XCR1: variants seen among roughly 807,000 people sequenced by gnomAD.
The protein encoded by XCR1 is chemokine XC receptor 1.
For synonymous variants in XCR1, 187 were observed against 188.5 expected, an observed-to-expected ratio of 0.99 and a Z score of 0.06; for missense variants, 356 against 424.2, an observed-to-expected ratio of 0.84 and a Z score of 1.41.
chr3:46,070,562 GTT>G (rs1256095204), intron 3 of XCR1, among the ~76,000 whole-genome samples: 2 of 151,628 alleles, frequency 1.3e-5, no homozygotes, highest in Non-Finnish European at 2.9e-5. Flanking sequence ...TTTAAGGTGT[GTT>G]TTATCTGATA....
chr3:46,045,431 T>C (rs1205292560), intron 5 of XCR1, among the ~76,000 whole-genome samples: 2 of 151,842 alleles, frequency 1.3e-5, no homozygotes, highest in African/African-American at 2.4e-5. Context: ...CCAACTGGGA[T>C]ACATTCCAGA....
At chr3:46,083,890 A>G (rs1004653768) in intron 1 of XCR1, among the ~76,000 whole-genome samples, 18 of 152,350 alleles carry the variant, frequency 1.2e-4, no homozygotes, top group African/African-American at 3.8e-4. Flanking sequence ...AATTTTCTTC[A>G]GGAGGTTTTT....
At chr3:46,085,699 A>G (rs558815414) in intron 1 of XCR1, among the ~76,000 whole-genome samples, 4 of 152,170 alleles carry the variant, frequency 2.6e-5, no homozygotes, top group African/African-American at 7.2e-5. Context: ...ACAATCATGC[A>G]TAATGCCGGC....
Position 46,018,554 on chromosome 3 carries a change from T to C in XCR1, c.*2392A>G, listed in dbSNP as rs1159707563. On this transcript the variant is annotated 3_prime_UTR_variant, in exon 2 of 2. Transcript: ENST00000309285. ...TGTTTCTCCCATCGGTGGTGAGTAGTGGCCCCACCTGTAGGCTGGCAGGTA... is the reference window on the plus strand; with the variant it reads ...TGTTTCTCCCATCGGTGGTGAGTAGCGGCCCCACCTGTAGGCTGGCAGGTA... The C allele has an allele frequency of 2.0e-5, 3 of 152,230 alleles. No homozygotes were observed. Among genetic ancestry groups the C allele is most frequent in the Non-Finnish European group, 4.4e-5 (3 of 68,076 alleles). 9.4% of individuals were successfully genotyped at this position (152,230 alleles called of 1,614,324 possible).
At chr3:46,081,585 T>C (rs1698364184) in intron 1 of XCR1, among the ~76,000 whole-genome samples, 1 of 152,232 alleles carries the variant, frequency 6.6e-6, no homozygotes, top group African/African-American at 2.4e-5. Flanking sequence ...TAAAGGTCTC[T>C]GATGTCTAAT....
chr3:46,045,358 G>A (rs955786646), intron 5 of XCR1, among the ~76,000 whole-genome samples: 6 of 151,774 alleles, frequency 4.0e-5, no homozygotes, highest in South Asian at 2.1e-4. Context: ...GCAGTGAGCC[G>A]AGATCGCGCC....
intron 1 of XCR1, among the ~76,000 whole-genome samples, chr3:46,078,536 G>GAAAAAGA (rs1698301743): frequency 6.6e-6 from 1 of 152,206 alleles, no homozygotes; most frequent in Non-Finnish European, 1.5e-5. Flanking sequence ...AAAAGAAAAA[G>GAAAAAGA]GGTAGGGGGA....
chr3:46,063,305 A>G (rs1037183294), intron 4 of XCR1, among the ~76,000 whole-genome samples: 2 of 152,230 alleles, frequency 1.3e-5, no homozygotes, highest in Admixed American at 6.5e-5. Context: ...CTGAGCACAT[A>G]GGAGAAAGAG....
chr3:46,031,364 G>C (rs946627271), upstream of XCR1, among the ~76,000 whole-genome samples: 1 of 152,248 alleles, frequency 6.6e-6, no homozygotes, highest in Admixed American at 6.5e-5. Flanking sequence ...TGCCTGCTCT[G>C]ATCTTGGAGT....
chr3:46,031,969 C>T (rs1708402745), upstream of XCR1, among the ~76,000 whole-genome samples: 2 of 152,218 alleles, frequency 1.3e-5, no homozygotes, highest in Non-Finnish European at 2.9e-5. Context: ...GCTGAACACT[C>T]ATTGGGACAC....
chr3:46,019,639 T>TG lies in XCR1; in HGVS notation c.*1306dup, dbSNP rs1311143238. On this transcript the variant is annotated 3_prime_UTR_variant, in exon 2 of 2. Coordinates refer to ENST00000309285, the MANE Select transcript of XCR1 (RefSeq NM_001024644.2). ...GTCTGAAAGAAGGCCAGTGGTGTTT[T>TG]GGGGTTGGATCCCAAGCTGCTGTGG... 6.6e-6 allele frequency: 1 copy of TG among 152,402 alleles called. No individual in the cohort carries two copies. The highest frequency in any genetic ancestry group is 1.5e-5 in the Non-Finnish European group (1 of 68,202). The allele number at this position is 152,402 out of a possible 1,614,324, so 9.4% of individuals were successfully genotyped here. A position where few individuals can be genotyped will look rare whatever the true frequency, so the allele number is the denominator to read the frequency against.
intron 5 of XCR1, among the ~76,000 whole-genome samples, chr3:46,045,331 C>T (rs1362257994): frequency 2.6e-5 from 4 of 151,836 alleles, no homozygotes; most frequent in Non-Finnish European, 5.9e-5. Flanking sequence ...ATTGCTTGAA[C>T]TCAGGAGGCA....
rs879458237 is a variant in XCR1 at position 46,038,980 on chromosome 3, TA to T, written c.-32+14939del. 3.8e-3 allele frequency among the ~76,000 whole-genome samples: 544 copies of T among 143,574 alleles called. 2 individuals carry two copies. Among genetic ancestry groups the T allele is most frequent in the East Asian group, 0.017 (83 of 5,014 alleles). 94.2% of individuals were successfully genotyped at this position (143,574 alleles called of 152,430 possible). A position where few individuals can be genotyped will look rare whatever the true frequency, so the allele number is the denominator to read the frequency against. Reference sequence around the variant, plus strand: ...GTGATATTCACTTTGATTAAGTGGTTAAAAAAAAAAAAGTGAGACTTTCCAG... The same window carrying T: ...GTGATATTCACTTTGATTAAGTGGTTAAAAAAAAAAAGTGAGACTTTCCAG... On this transcript the variant is annotated intron_variant, in intron 5 of 5. Transcript: ENST00000683768.
chr3:46,064,432 T>C (rs976200008), intron 4 of XCR1, among the ~76,000 whole-genome samples: 1 of 152,196 alleles, frequency 6.6e-6, no homozygotes, highest in Admixed American at 6.5e-5. Flanking sequence ...AGCTCTCTTG[T>C]ATCATGGGAG....
At chr3:46,072,158 C>G (rs909040530) in intron 3 of XCR1, among the ~76,000 whole-genome samples, 1 of 152,082 alleles carries the variant, frequency 6.6e-6, no homozygotes, top group Non-Finnish European at 1.5e-5. Flanking sequence ...CAATAATGAT[C>G]AAGCTGAGAA....
At chr3:46,025,143 TTAAAG>T (rs1347488015) in intron 1 of XCR1, among the ~76,000 whole-genome samples, 1 of 152,092 alleles carries the variant, frequency 6.6e-6, no homozygotes, top group Admixed American at 6.5e-5. Flanking sequence ...GAAGAGCTAA[TTAAAG>T]TAGAAGGAAG....
chr3:46,041,170 T>C (rs1040523955), intron 5 of XCR1, among the ~76,000 whole-genome samples: 1 of 152,218 alleles, frequency 6.6e-6, no homozygotes, highest in Non-Finnish European at 1.5e-5. Context: ...TCCTGATTCA[T>C]GGCAATGTGT....
At chr3:46,049,210 G>A (rs1361640353) in intron 5 of XCR1, among the ~76,000 whole-genome samples, 3 of 152,294 alleles carry the variant, frequency 2.0e-5, no homozygotes, top group Non-Finnish European at 4.4e-5. Flanking sequence ...GCCAAACCTC[G>A]TGGATTACAT....
Position 46,054,823 on chromosome 3 carries a change from A to AG in XCR1, c.-182-754dup, listed in dbSNP as rs1321456768. Among the ~76,000 whole-genome samples the AG allele has an allele frequency of 3.3e-5, 5 of 152,294 alleles. No homozygotes were observed. In the East Asian group the frequency reaches 9.7e-4, roughly 29 times the overall value. ...GGCAAGGAAGCAATCATGATGAATG[A>AG]GGGGGTCAGGCATCTCATTGGTTTG... On this transcript the variant is annotated intron_variant, in intron 4 of 5. Coordinates refer to the XCR1 transcript ENST00000683768.
Sources: gnomAD v4.1 joint callset for allele counts (sites outside exome capture counted in the v4.1 genomes callset) on GRCh38, gnomAD v4.1.1 for gene constraint, MANE v1.5 for transcripts, NCBI Gene and HGNC (gene_info 2026-07-23, HGNC 2026-07-21) for gene names.